Variants in FBXW8 observed in about 807,000 individuals in gnomAD.
The protein encoded by FBXW8 is F-box/WD repeat-containing protein 8.
FBXW8 carries 57 observed loss-of-function variants against 65.3 expected under a neutral mutation model. The ratio of observed to expected loss-of-function variants is 0.87; its 90% CI spans 0.71 to 1.09. FBXW8 has a LOEUF of 1.09. FBXW8 is among the 50% of genes least tolerant of loss of function. The pLI, the probability that FBXW8 is intolerant of heterozygous loss-of-function variation, is 0.00. For missense variants in FBXW8, 777 were observed against 814.8 expected (o/e 0.95, Z 0.57); for synonymous variants, 308 against 330.2 (o/e 0.93, Z 0.73).
At chr12:116,993,596 C>CT (rs1045281636) in intron 7 of FBXW8, among the ~76,000 whole-genome samples, 41 of 151,584 alleles carry the variant, frequency 2.7e-4, no homozygotes, top group African/African-American at 8.2e-4. Context: ...TTTGTTTTGG[C>CT]TTTTTTTTCT....
chr12:117,025,128 G>A (rs73203820), intron 9 of FBXW8, among the ~76,000 whole-genome samples: 3,964 of 152,296 alleles, frequency 0.026, 78 homozygotes, highest in Non-Finnish European at 0.035. Flanking sequence ...AGGAGACCCT[G>A]CGTTTGAGAC....
At chr12:116,948,562 C>G (rs748900116) in intron 3 of FBXW8, among the ~76,000 whole-genome samples, 12 of 152,108 alleles carry the variant, frequency 7.9e-5, no homozygotes, top group Non-Finnish European at 1.6e-4. Flanking sequence ...ACTTATTGAA[C>G]ACTTGCTGTA....
At chr12:116,996,207 G>A (rs992322178) in intron 7 of FBXW8, among the ~76,000 whole-genome samples, 4 of 152,214 alleles carry the variant, frequency 2.6e-5, no homozygotes, top group African/African-American at 9.6e-5. Context: ...TAATCAGGGA[G>A]CTGTGAGTGA....
intron 1 of FBXW8, among the ~76,000 whole-genome samples, chr12:116,915,439 A>G (rs1880326622): frequency 6.6e-6 from 1 of 152,152 alleles, no homozygotes; most frequent in South Asian, 2.1e-4. Flanking sequence ...CTAAATACAC[A>G]GCTTGATGAA....
chr12:117,010,286 G>T (rs749773965), intron 7 of FBXW8, 37 bp from the exon 8 acceptor site: 85 of 1,613,796 alleles, frequency 5.3e-5, no homozygotes, highest in Non-Finnish European at 6.9e-5. Context: ...CCTGGTGTGT[G>T]GAATTGTGGG....
At chr12:116,939,121 A>G (rs1038662586) in intron 2 of FBXW8, among the ~76,000 whole-genome samples, 4 of 152,226 alleles carry the variant, frequency 2.6e-5, no homozygotes, top group Non-Finnish European at 5.9e-5. Flanking sequence ...ACTCGTTGCA[A>G]AAAGAAGTCA....
chr12:117,024,443 T>A, intron 9 of FBXW8, 123 bp downstream of exon 9: 1 of 1,113,582 alleles, frequency 9.0e-7, no homozygotes, highest in Admixed American at 2.2e-5. Context: ...GGTGAATCCT[T>A]ACTGTGACCC....
At chr12:116,951,845 G>A (rs898969915) in intron 4 of FBXW8, among the ~76,000 whole-genome samples, 3 of 152,110 alleles carry the variant, frequency 2.0e-5, no homozygotes, top group African/African-American at 4.8e-5. Flanking sequence ...GTTGATAAAC[G>A]CATTTGACAC....
chr12:116,979,381 T>C (rs1338922551), intron 5 of FBXW8: 3 of 152,216 alleles, frequency 2.0e-5, no homozygotes, highest in Non-Finnish European at 4.4e-5. Flanking sequence ...CCATCGTTAC[T>C]CATGTCATCG....
chr12:116,912,294 C>A (rs537916827), intron 1 of FBXW8, among the ~76,000 whole-genome samples: 2 of 151,584 alleles, frequency 1.3e-5, no homozygotes, highest in Admixed American at 1.3e-4. Context: ...CTCAAGCCAT[C>A]CTCTTCCCTC....
intron 2 of FBXW8, among the ~76,000 whole-genome samples, chr12:116,940,594 G>A (rs1041009349): frequency 6.6e-6 from 1 of 151,710 alleles, no homozygotes; most frequent in African/African-American, 2.4e-5. Flanking sequence ...AATGTGAACG[G>A]TGAGAGATAC....
intron 4 of FBXW8, among the ~76,000 whole-genome samples, chr12:116,958,036 C>T (rs546734045): frequency 1.6e-3 from 239 of 152,360 alleles, no homozygotes; most frequent in African/African-American, 5.5e-3. Context: ...GCATAATCAT[C>T]ATTGACTCTG....
At position 116,916,893 on chromosome 12, in the gene FBXW8, T is replaced by C. The variant is rs974739655; in HGVS notation, c.318+5538T>C. On this transcript the variant is annotated intron_variant, in intron 1 of 10. Coordinates refer to ENST00000652555, the MANE Select transcript of FBXW8 (RefSeq NM_153348.3). ...TCTAGGGGTTGGCTAATTGTGCGTG[T>C]GTGTGTGTGTGTGTGTGTGAGAGAG... 4.3e-5 allele frequency among the ~76,000 whole-genome samples: 3 copies of C among 70,486 alleles called. No individual in the cohort carries two copies. In the East Asian group the frequency reaches 1.2e-3, roughly 29 times the overall value. 46.2% of individuals were successfully genotyped at this position (70,486 alleles called of 152,430 possible).
chr12:117,011,249 G>A (rs1011622521), intron 8 of FBXW8, among the ~76,000 whole-genome samples: 1 of 151,876 alleles, frequency 6.6e-6, no homozygotes, highest in Non-Finnish European at 1.5e-5. Flanking sequence ...CGGGCTGCAG[G>A]TGGCGGGCTG....
chr12:116,992,420 G>GT (rs1181841663), intron 7 of FBXW8, among the ~76,000 whole-genome samples: 10,560 of 147,736 alleles, frequency 0.071, 937 homozygotes, highest in African/African-American at 0.21. Context: ...GAAGATCAGA[G>GT]TTTTGTTTTT....
chr12:116,976,382 T>C (rs1358121089), intron 5 of FBXW8, among the ~76,000 whole-genome samples: 1 of 141,086 alleles, frequency 7.1e-6, no homozygotes, highest in African/African-American at 2.7e-5. Flanking sequence ...CCTCCCCTTT[T>C]CTTTAAAAAA....
At chr12:116,917,680 G>A (rs867877060) in intron 1 of FBXW8, among the ~76,000 whole-genome samples, 2 of 152,170 alleles carry the variant, frequency 1.3e-5, no homozygotes, top group African/African-American at 4.8e-5. Context: ...CCTCTGATGG[G>A]CAAGCAAAGC....
At chr12:117,012,212 T>A (rs772796877) in intron 8 of FBXW8, among the ~76,000 whole-genome samples, 1 of 128,518 alleles carries the variant, frequency 7.8e-6, no homozygotes, top group Admixed American at 7.3e-5. Flanking sequence ...CCATGCATAG[T>A]GTCAAAGGGC....
Position 117,016,572 on chromosome 12 carries a change from C to G in FBXW8, c.1367+6122C>G, listed in dbSNP as rs562556138. On this transcript the variant is annotated intron_variant, in intron 8 of 10. Coordinates refer to ENST00000652555, the MANE Select transcript of FBXW8 (RefSeq NM_153348.3). ...TATTTTCTCCCATTCTGTGGGTTGT[C>G]TTTTCGCTTTCTACATTGTATTCTT... Among the ~76,000 whole-genome samples the G allele has an allele frequency of 4.0e-5, 6 of 150,538 alleles. No individual in the cohort carries two copies. The East Asian group carries it at 1.2e-3, about 29-fold the overall frequency.
Sources: gnomAD v4.1 joint callset for allele counts (sites outside exome capture counted in the v4.1 genomes callset) on GRCh38, gnomAD v4.1.1 for gene constraint, MANE v1.5 for transcripts, NCBI Gene and HGNC (gene_info 2026-07-23, HGNC 2026-07-21) for gene names.